The following FARP1 variants were observed in gnomAD, a reference collection of about 807,000 sequenced individuals.
The protein encoded by FARP1 is FERM, ARHGEF and pleckstrin domain-containing protein 1.
A neutral mutation model predicts 128.8 loss-of-function variants in FARP1; 52 were observed. That is an observed-to-expected ratio of 0.40 (90% confidence interval 0.32 to 0.51). FARP1 has a LOEUF of 0.51. FARP1 is among the 20% of genes least tolerant of loss of function. The probability of loss-of-function intolerance (pLI) is 0.45; values close to 1 mark genes in which losing one functional copy is unlikely to be tolerated. For synonymous variants in FARP1, 580 were observed against 551.8 expected, an observed-to-expected ratio of 1.05 and a Z score of -0.72; for missense variants, 1,333 against 1,367.9, an observed-to-expected ratio of 0.97 and a Z score of 0.40.
chr13:98,197,727 C>T (rs1255466232), intron 1 of FARP1, among the ~76,000 whole-genome samples: 7 of 151,718 alleles, frequency 4.6e-5, no homozygotes, highest in East Asian at 2.0e-4. Context: ...CTCCGCCTCC[C>T]GGGTTCACGC....
intron 2 of FARP1, chr13:98,244,636 T>C (rs1339186816): frequency 6.2e-7 from 1 of 1,614,248 alleles, no homozygotes; most frequent in Non-Finnish European, 8.5e-7. Flanking sequence ...ACAGGCTCTA[T>C]TTCTTACACA....
chr13:98,348,952 A>C (rs1888292522), intron 3 of FARP1, among the ~76,000 whole-genome samples: 1 of 152,240 alleles, frequency 6.6e-6, no homozygotes, highest in Non-Finnish European at 1.5e-5. Flanking sequence ...CAGGATCCAC[A>C]CAGAGCCTCT....
At chr13:98,417,455 G>GGGAAAAAAAAAAAAAAAAAAAA (rs1491453247) in intron 16 of FARP1, among the ~76,000 whole-genome samples, 14 of 58,454 alleles carry the variant, frequency 2.4e-4, no homozygotes, top group African/African-American at 7.5e-4. Flanking sequence ...CCAGAGGTTT[G>GGGAAAAAAAAAAAAAAAAAAAA]AAAAAAAAAA....
At chr13:98,210,204 C>T (rs985936096) in intron 1 of FARP1, among the ~76,000 whole-genome samples, 3 of 152,040 alleles carry the variant, frequency 2.0e-5, no homozygotes, top group Non-Finnish European at 4.4e-5. Context: ...CCCCAGATAG[C>T]TCTGTGGTGC....
intron 2 of FARP1, among the ~76,000 whole-genome samples, chr13:98,246,033 T>C (rs1594316814): frequency 6.9e-6 from 1 of 145,068 alleles, no homozygotes; most frequent in Non-Finnish European, 1.5e-5. Flanking sequence ...CCCCTCAGCC[T>C]CCCAAAGTGT....
At chr13:98,416,708 C>A (rs1161072733) in intron 16 of FARP1, among the ~76,000 whole-genome samples, 3 of 152,220 alleles carry the variant, frequency 2.0e-5, no homozygotes, top group African/African-American at 7.2e-5. Context: ...TCCCAAATGC[C>A]AGCCCTGAGG....
At chr13:98,441,105 G>A (rs988061559) in intron 24 of FARP1, among the ~76,000 whole-genome samples, 3 of 152,236 alleles carry the variant, frequency 2.0e-5, no homozygotes, top group Admixed American at 6.5e-5. Flanking sequence ...CCACAAGGTC[G>A]TTTTCTCTCT....
At chr13:98,401,544 A>T (rs1004757545) in intron 13 of FARP1, 1 of 151,910 alleles carries the variant, frequency 6.6e-6, no homozygotes, top group African/African-American at 2.4e-5. Flanking sequence ...GTCATTTCCT[A>T]GAGTAACCTA....
intron 2 of FARP1, chr13:98,244,883 C>CCCAT: frequency 7.0e-7 from 1 of 1,429,370 alleles, no homozygotes. Context: ...TACAGAGGGG[C>CCCAT]CCATCCACTC....
chr13:98,396,085 C>T (rs1395570729), intron 13 of FARP1: 1 of 399,132 alleles, frequency 2.5e-6, no homozygotes, highest in East Asian at 3.6e-5. Flanking sequence ...GACAGATCCA[C>T]TCATCCTTAG....
intron 2 of FARP1, among the ~76,000 whole-genome samples, chr13:98,258,244 G>C (rs763940090): frequency 1.3e-5 from 2 of 152,140 alleles, no homozygotes; most frequent in Non-Finnish European, 2.9e-5. Context: ...TGGGATTACA[G>C]GCATGAGCAA....
At chr13:98,203,128 CCAGGCTGGCCGCCT>C (rs1245966284) in intron 1 of FARP1, among the ~76,000 whole-genome samples, 1 of 152,240 alleles carries the variant, frequency 6.6e-6, no homozygotes, top group East Asian at 1.9e-4. Flanking sequence ...TTGTCCCAGG[CCAGGCTGGCCGCCT>C]CACTGGAGTC....
intron 2 of FARP1, among the ~76,000 whole-genome samples, chr13:98,290,436 G>A (rs951109415): frequency 2.6e-5 from 4 of 151,966 alleles, no homozygotes; most frequent in African/African-American, 9.7e-5. Context: ...GTTTTAGAGA[G>A]CAAAAAGAGA....
chr13:98,359,261 A>G (rs1338817903), intron 3 of FARP1, among the ~76,000 whole-genome samples: 1 of 152,120 alleles, frequency 6.6e-6, no homozygotes, highest in Admixed American at 6.5e-5. Flanking sequence ...TTGAATATTA[A>G]ATGAGAATGT....
chr13:98,272,830 A>G (rs2139588180), intron 2 of FARP1, among the ~76,000 whole-genome samples: 1 of 152,358 alleles, frequency 6.6e-6, no homozygotes, highest in African/African-American at 2.4e-5. Context: ...TGGGGCAGAA[A>G]GAAGACACTG....
At chr13:98,266,296 A>G (rs1190140798) in intron 2 of FARP1, among the ~76,000 whole-genome samples, 5 of 152,172 alleles carry the variant, frequency 3.3e-5, no homozygotes, top group Non-Finnish European at 7.3e-5. Context: ...AGGGACACAC[A>G]TTCATTTTGG....
chr13:98,236,716 G>A (rs1295271045), intron 2 of FARP1, among the ~76,000 whole-genome samples: 1 of 152,210 alleles, frequency 6.6e-6, no homozygotes, highest in Non-Finnish European at 1.5e-5. Flanking sequence ...TTTGCCAGGC[G>A]TGGTGGCTCA....
intron 2 of FARP1, among the ~76,000 whole-genome samples, chr13:98,336,062 C>T (rs536760254): frequency 1.3e-5 from 2 of 152,140 alleles, no homozygotes; most frequent in Non-Finnish European, 2.9e-5. Context: ...CTTTAGCTCT[C>T]TCAGGTAGGG....
intron 2 of FARP1, among the ~76,000 whole-genome samples, chr13:98,263,959 A>C (rs1237474468): frequency 6.6e-6 from 1 of 152,196 alleles, no homozygotes; most frequent in Non-Finnish European, 1.5e-5. Flanking sequence ...TTACTAAGTT[A>C]CTAATTTACT....
Sources: allele counts gnomAD v4.1 joint callset (sites outside exome capture counted in the v4.1 genomes callset), GRCh38; gene constraint gnomAD v4.1.1; transcripts MANE v1.5; gene names NCBI Gene and HGNC (gene_info 2026-07-23, HGNC 2026-07-21).